TBCK: variants seen among roughly 807,000 people sequenced by gnomAD.
The protein encoded by TBCK is TBC1 domain containing kinase.
A neutral mutation model predicts 113.4 loss-of-function variants in TBCK; 99 were observed. That is an observed-to-expected ratio of 0.87 (90% confidence interval 0.74 to 1.03). The LOEUF is 1.03. Among genes scored for constraint, TBCK ranks in the 50% least tolerant of loss-of-function variants. The pLI is 0.00. For missense variants in TBCK, 1,045 were observed against 1,061.3 expected, an observed-to-expected ratio of 0.98 and a Z score of 0.21; for synonymous variants, 369 against 370.8, an observed-to-expected ratio of 1.00 and a Z score of 0.05.
intron 4 of TBCK, 99 bp from the exon 5 acceptor site, chr4:106,260,609 A>C (rs1432215781): frequency 2.4e-6 from 1 of 410,120 alleles, no homozygotes; most frequent in African/African-American, 2.1e-5. Flanking sequence ...TTATAACTAA[A>C]GAAACCATTA....
chr4:106,272,747 G>A (rs539018036), intron 3 of TBCK, among the ~76,000 whole-genome samples: 8 of 151,938 alleles, frequency 5.3e-5, no homozygotes, highest in Middle Eastern at 3.4e-3. Context: ...TGCCCACGTC[G>A]GCCTCCCACA....
At chr4:106,181,110 A>G (rs144456634) in intron 22 of TBCK, among the ~76,000 whole-genome samples, 4,103 of 152,104 alleles carry the variant, frequency 0.027, 179 homozygotes, top group African/African-American at 0.094. Context: ...GCATTTCTCT[A>G]ATGACCAGTG....
At chr4:106,080,030 C>T (rs113305499) in intron 25 of TBCK, among the ~76,000 whole-genome samples, 1 of 152,142 alleles carries the variant, frequency 6.6e-6, no homozygotes, top group Non-Finnish European at 1.5e-5. Context: ...TCTAACAATT[C>T]GACATGAGAT....
rs35152957 is a variant in TBCK, at chr4:106,161,700, CTGTGTGTGTGTGTG to C, written c.2235+9381_2235+9394del. On this transcript the variant is annotated intron_variant, in intron 23 of 25. Transcript: ENST00000394708. Reference sequence around the variant, plus strand: ...GCTTGTTAACCAGAATTAGGTGTGTCTGTGTGTGTGTGTGTGTGTGTGTGTGTGTATGTGTGTAT... The same window carrying C: ...GCTTGTTAACCAGAATTAGGTGTGTCTGTGTGTGTGTGTGTATGTGTGTAT... Among the ~76,000 whole-genome samples, 37 of 146,450 alleles carry C rather than the reference CTGTGTGTGTGTGTG, an allele frequency of 2.5e-4. No individual in the cohort carries two copies. The South Asian group carries it at 6.1e-3, about 24-fold the overall frequency.
intron 23 of TBCK, among the ~76,000 whole-genome samples, chr4:106,138,270 T>C (rs1187448749): frequency 7.1e-6 from 1 of 141,274 alleles, no homozygotes; most frequent in Non-Finnish European, 1.6e-5. Flanking sequence ...GACTGAAATG[T>C]TGTTATGTGC....
At chr4:106,280,613 T>G (rs892617615) in intron 3 of TBCK, among the ~76,000 whole-genome samples, 13 of 152,136 alleles carry the variant, frequency 8.5e-5, no homozygotes, top group African/African-American at 2.7e-4. Context: ...TTGTTTATGT[T>G]GAGAGACAGA....
At chr4:106,108,456 CAA>C (rs1241327541) in intron 24 of TBCK, among the ~76,000 whole-genome samples, 1 of 152,010 alleles carries the variant, frequency 6.6e-6, no homozygotes, top group Non-Finnish European at 1.5e-5. Context: ...GCTCAACATG[CAA>C]AAAATCAATA....
In TBCK at chr4:106,126,568, G is replaced by A. The variant is rs1163180767; in HGVS notation, c.2236-10190C>T. 6.6e-5 allele frequency among the ~76,000 whole-genome samples: 10 copies of A among 152,078 alleles called. 1 individual carries two copies. The highest frequency in any genetic ancestry group is 6.6e-4 in the Admixed American group (10 of 15,264). On this transcript the variant is annotated intron_variant, in intron 23 of 25. Transcript: ENST00000394708. Reference sequence around the variant, plus strand: ...TGACTTACAGTCTCCTTGAATGGAGGTTCCACGTGTTTTCATATTTGTATC... The same window carrying A: ...TGACTTACAGTCTCCTTGAATGGAGATTCCACGTGTTTTCATATTTGTATC...
intron 3 of TBCK, among the ~76,000 whole-genome samples, chr4:106,293,059 C>T (rs182894321): frequency 2.6e-5 from 4 of 152,298 alleles, no homozygotes; most frequent in Admixed American, 2.6e-4. Context: ...AGCATTACTT[C>T]CCAACCACAA....
chr4:106,073,907 G>A (rs1375370936), intron 25 of TBCK, among the ~76,000 whole-genome samples: 1 of 152,196 alleles, frequency 6.6e-6, no homozygotes. Context: ...CCATGGGCAT[G>A]GGACCCACTG....
chr4:106,218,970 C>G (rs1280926644), intron 19 of TBCK, among the ~76,000 whole-genome samples: 1 of 151,894 alleles, frequency 6.6e-6, no homozygotes, highest in Non-Finnish European at 1.5e-5. Flanking sequence ...GGAACCAACC[C>G]AAATGTCTAA....
chr4:106,112,575 T>C (rs147068007), intron 24 of TBCK, among the ~76,000 whole-genome samples: 21 of 152,244 alleles, frequency 1.4e-4, no homozygotes, highest in African/African-American at 4.6e-4. Flanking sequence ...AGCTCATCAA[T>C]ATTGTTAGTG....
chr4:106,101,352 T>C (rs1289452018), intron 24 of TBCK, among the ~76,000 whole-genome samples: 1 of 152,138 alleles, frequency 6.6e-6, no homozygotes, highest in Non-Finnish European at 1.5e-5. Context: ...CCCACTCAAA[T>C]ATGGGAATAC....
intron 22 of TBCK, among the ~76,000 whole-genome samples, chr4:106,173,665 G>A (rs73838128): frequency 0.013 from 2,046 of 152,044 alleles, 51 homozygotes; most frequent in African/African-American, 0.046. Flanking sequence ...CATCCATCCC[G>A]ATTCTACCCT....
intron 2 of TBCK, among the ~76,000 whole-genome samples, chr4:106,295,606 G>GTAGAA (rs1766214644): frequency 6.6e-6 from 1 of 152,130 alleles, no homozygotes; most frequent in African/African-American, 2.4e-5. Flanking sequence ...TTGAAAAAAA[G>GTAGAA]TAGAAATGAT....
chr4:106,088,942 G>C (rs1422874938), intron 25 of TBCK, among the ~76,000 whole-genome samples: 1 of 152,070 alleles, frequency 6.6e-6, no homozygotes, highest in Non-Finnish European at 1.5e-5. Flanking sequence ...TGGTGGGCGA[G>C]GGAAGGGATC....
At chr4:106,114,484 A>C (rs1032938433) in intron 24 of TBCK, among the ~76,000 whole-genome samples, 3 of 152,166 alleles carry the variant, frequency 2.0e-5, no homozygotes, top group Non-Finnish European at 4.4e-5. Context: ...TTTGTCATTA[A>C]ATCTGTAACT....
At chr4:106,316,380 G>T (rs757479021), upstream of TBCK, 2 of 663,294 alleles carry the variant, frequency 3.0e-6, no homozygotes, top group Non-Finnish European at 5.4e-6. Flanking sequence ...TGAAAATACT[G>T]GGTGAGGGAA....
chr4:106,201,165 C>T (rs1331390579), intron 20 of TBCK, among the ~76,000 whole-genome samples: 1 of 151,780 alleles, frequency 6.6e-6, no homozygotes, highest in Non-Finnish European at 1.5e-5. Context: ...TAGGTGCTTA[C>T]CAGAACCAGT....
Sources: gnomAD v4.1 joint callset for allele counts (sites outside exome capture counted in the v4.1 genomes callset) on GRCh38, gnomAD v4.1.1 for gene constraint, MANE v1.5 for transcripts, NCBI Gene and HGNC (gene_info 2026-07-23, HGNC 2026-07-21) for gene names.